RBFOX2: variants seen among roughly 807,000 people sequenced by gnomAD.
RBFOX2 encodes RNA binding fox-1 homolog 2, also known as RNA binding protein fox-1 homolog 2.
RBFOX2 carries 10 observed loss-of-function variants against 49.1 expected under a neutral mutation model. The observed-to-expected ratio is 0.20, with a 90% confidence interval of 0.13 to 0.35. The LOEUF (loss-of-function observed/expected upper bound fraction) is 0.35. Ranked by LOEUF, RBFOX2 falls within the 10% of genes least tolerant of loss-of-function variation. The probability of loss-of-function intolerance (pLI) is 1.00; values close to 1 mark genes in which losing one functional copy is unlikely to be tolerated. For missense variants in RBFOX2, 323 were observed against 486.9 expected, an observed-to-expected ratio of 0.66 and a Z score of 3.17; for synonymous variants, 183 against 187.4, an observed-to-expected ratio of 0.98 and a Z score of 0.19.
intron 1 of RBFOX2, among the ~76,000 whole-genome samples, chr22:35,905,823 A>T (rs990111435): frequency 1.3e-5 from 2 of 152,198 alleles, no homozygotes; most frequent in African/African-American, 4.8e-5. Context: ...GTTTCAGTCA[A>T]TGATGGAACA....
At chr22:35,843,167 C>T (rs769777257), upstream of RBFOX2, among the ~76,000 whole-genome samples, 1 of 152,094 alleles carries the variant, frequency 6.6e-6, no homozygotes, top group East Asian at 1.9e-4. Flanking sequence ...AAACTGGAGT[C>T]CCCTGGTGGC....
rs990468986 is a variant in RBFOX2, at chr22:35,956,859, T to G, written c.42+4704A>C. Among the ~76,000 whole-genome samples the G allele has an allele frequency of 3.3e-5, 5 of 152,322 alleles. No individual in the cohort carries two copies. The East Asian group carries it at 9.6e-4, about 29-fold the overall frequency. On this transcript the variant is annotated intron_variant, in intron 1 of 5. Coordinates refer to the RBFOX2 transcript ENST00000408983. ...TTTGCCAAAGAGATTATTTAAAAGA[T>G]TCATAACCGAGGATGGAGAATTAGT... is the stretch of plus-strand genomic sequence containing the variant.
In RBFOX2 at chr22:35,910,693, C is replaced by T. The variant is rs148811447; in HGVS notation, c.-34+28154G>A. On this transcript the variant is annotated intron_variant, in intron 1 of 13. Coordinates refer to the RBFOX2 transcript ENST00000359369. ...TCCCTAGATGATTCATTTGTAATGC[C>T]AACTTATGTGTCTGAATGCATGCAA... is the stretch of plus-strand genomic sequence containing the variant. Among the ~76,000 whole-genome samples, 209 of 152,266 alleles carry T rather than the reference C, an allele frequency of 1.4e-3. 1 individual carries two copies. Among genetic ancestry groups the T allele is most frequent in the African/African-American group, 4.9e-3 (202 of 41,532 alleles).
chr22:36,008,318 A>C (rs930126317), intron 1 of RBFOX2, among the ~76,000 whole-genome samples: 1 of 151,964 alleles, frequency 6.6e-6, no homozygotes, highest in African/African-American at 2.4e-5. Context: ...TAAACATTCA[A>C]ATTTTGTTCA....
chr22:35,826,247 C>G (rs1436651664), intron 1 of RBFOX2, among the ~76,000 whole-genome samples: 1 of 147,616 alleles, frequency 6.8e-6, no homozygotes, highest in Non-Finnish European at 1.5e-5. Flanking sequence ...GAGGCTGAAG[C>G]AGGAGAACTG....
chr22:35,821,663 C>A, intron 1 of RBFOX2: 1 of 486,988 alleles, frequency 2.1e-6, no homozygotes, highest in Non-Finnish European at 4.0e-6. Context: ...CTCTGTCAGT[C>A]CTTTGAGGAC....
At chr22:35,783,729 G>A (rs550662406) in intron 2 of RBFOX2, among the ~76,000 whole-genome samples, 11 of 152,136 alleles carry the variant, frequency 7.2e-5, no homozygotes, top group Non-Finnish European at 1.6e-4. Flanking sequence ...CAGACACCAC[G>A]TGTCCTGCAT....
intron 1 of RBFOX2, among the ~76,000 whole-genome samples, chr22:36,025,770 T>C (rs558218372): frequency 5.3e-5 from 8 of 152,320 alleles, no homozygotes; most frequent in Non-Finnish European, 1.2e-4. Context: ...GCCTCACACC[T>C]GTAATCCCAG....
chr22:35,863,141 T>C (rs1176667595), intron 1 of RBFOX2, among the ~76,000 whole-genome samples: 1 of 152,146 alleles, frequency 6.6e-6, no homozygotes, highest in Non-Finnish European at 1.5e-5. Context: ...ATTTACGTTA[T>C]TTTTGTAACA....
chr22:35,744,111 C>A, exon 12 of RBFOX2: 1 of 1,113,628 alleles, frequency 9.0e-7, no homozygotes, highest in East Asian at 2.8e-5. Flanking sequence ...TTTTCCTCTT[C>A]ATCTTGCTAT....
At chr22:35,878,043 CACACA>C (rs2045384058) in intron 1 of RBFOX2, among the ~76,000 whole-genome samples, 3 of 105,802 alleles carry the variant, frequency 2.8e-5, no homozygotes, top group Admixed American at 8.5e-5. Flanking sequence ...TACTACTACA[CACACA>C]CACACACACA....
At chr22:36,004,461 G>A (rs1218289922) in intron 1 of RBFOX2, among the ~76,000 whole-genome samples, 5 of 152,088 alleles carry the variant, frequency 3.3e-5, no homozygotes. Flanking sequence ...ACTAGGTAAC[G>A]TGCACTCAGC....
At chr22:35,961,021 G>C (rs555249027) in intron 1 of RBFOX2, among the ~76,000 whole-genome samples, 28 of 151,836 alleles carry the variant, frequency 1.8e-4, no homozygotes, top group African/African-American at 6.5e-4. Context: ...TTCACTATCA[G>C]CACAAACATG....
rs1228738394 is a variant in RBFOX2, at chr22:35,750,516, A to T, written c.888-3955T>A. 2.6e-5 allele frequency: 35 copies of T among 1,325,054 alleles called. No individual in the cohort carries two copies. In the East Asian group the frequency reaches 8.2e-4, roughly 31 times the overall value. 82.1% of individuals were successfully genotyped at this position (1,325,054 alleles called of 1,614,324 possible). ...GATTAGCATGGCCACAGCACACCCT[A>T]ATGTAGGAGGGCACACACGGACGGC... On this transcript the variant is annotated intron_variant, in intron 9 of 11. Transcript: ENST00000405409.
chr22:35,999,504 C>G (rs760129586), intron 1 of RBFOX2: 11 of 151,962 alleles, frequency 7.2e-5, no homozygotes, highest in Non-Finnish European at 1.3e-4. Context: ...TTAAAATGAA[C>G]TGTGATAACA....
rs2059527008 is a variant in RBFOX2, at chr22:36,028,245, T to A, written c.181A>T (p.Met61Leu). 12 of 1,523,032 alleles carry A rather than the reference T, an allele frequency of 7.9e-6. No individual in the cohort carries two copies. In the South Asian group the frequency reaches 1.3e-4, roughly 17 times the overall value. The allele number at this position is 1,523,032 out of a possible 1,614,324, so 94.3% of individuals were successfully genotyped here. The stretch of plus-strand genomic sequence containing the variant: ...GCCCCGTCCCGCGCGGTCACCTGCA[T>A]CCCGCCGCCACCGTCGGCCGCCGCC... The change falls in exon 1 of 14, where the codon ATG becomes TTG. Residue 61 changes from methionine to leucine, a missense_variant. Met to Leu is a conservative substitution (Grantham distance 15, BLOSUM62 2). Transcript: ENST00000438146.
chr22:35,761,323 T>G (rs138393064), intron 7 of RBFOX2, 29 bp from the exon 9 acceptor site: 1 of 1,613,700 alleles, frequency 6.2e-7, no homozygotes, highest in East Asian at 2.2e-5. Flanking sequence ...AATTTAAAAA[T>G]GCAAGAAGAT....
chr22:35,795,896 C>T (rs1183276521), intron 2 of RBFOX2, among the ~76,000 whole-genome samples: 1 of 152,176 alleles, frequency 6.6e-6, no homozygotes, highest in Admixed American at 6.5e-5. Flanking sequence ...AGCATTATTG[C>T]TTCAGAAGAG....
intron 1 of RBFOX2, among the ~76,000 whole-genome samples, chr22:35,969,906 G>C (rs907400203): frequency 6.6e-6 from 1 of 152,178 alleles, no homozygotes; most frequent in African/African-American, 2.4e-5. Context: ...GTGTGACACT[G>C]TGCATGTGCA....
Sources: gnomAD v4.1 joint callset for allele counts (sites outside exome capture counted in the v4.1 genomes callset) on GRCh38, gnomAD v4.1.1 for gene constraint, MANE v1.5 for transcripts, NCBI Gene and HGNC (gene_info 2026-07-23, HGNC 2026-07-21) for gene names.